CCDC15: variants seen among roughly 807,000 people sequenced by gnomAD.
CCDC15 encodes the protein coiled-coil domain containing 15.
In CCDC15, 105 loss-of-function variants were observed where a neutral mutation model predicts 114.5. The ratio of observed to expected loss-of-function variants is 0.92; its 90% CI spans 0.78 to 1.08. The LOEUF (loss-of-function observed/expected upper bound fraction) is 1.08. Ranked by LOEUF, CCDC15 falls within the 50% of genes least tolerant of loss-of-function variation. The pLI is 0.00. For synonymous variants in CCDC15, 334 were observed against 377.8 expected, an observed-to-expected ratio of 0.88 and a Z score of 1.34; for missense variants, 1,105 against 1,093.6, an observed-to-expected ratio of 1.01 and a Z score of -0.15.
chr11:124,997,864 C>A (rs989295191), intron 11 of CCDC15, among the ~76,000 whole-genome samples: 1 of 152,120 alleles, frequency 6.6e-6, no homozygotes, highest in Admixed American at 6.5e-5. Context: ...ATCACTTGAA[C>A]TCAGGAGGCA....
At chr11:124,990,467 G>C (rs1029098887) in intron 8 of CCDC15, among the ~76,000 whole-genome samples, 1 of 152,146 alleles carries the variant, frequency 6.6e-6, no homozygotes, top group African/African-American at 2.4e-5. Context: ...TTGGCTTGAC[G>C]TATGATTGCC....
chr11:124,991,444 A>G lies in CCDC15; in HGVS notation c.1909-17A>G, dbSNP rs368508577. 3 of 1,470,276 alleles carry G rather than the reference A, an allele frequency of 2.0e-6. No homozygotes were observed. Among genetic ancestry groups the G allele is most frequent in the Non-Finnish European group, 2.8e-6 (3 of 1,086,600 alleles). 91.1% of individuals were successfully genotyped at this position (1,470,276 alleles called of 1,614,324 possible). ...CTTGCTAGACAATTTATAGTTTTTT[A>G]TTATTTTATCTTTTAGAAAGTACAC... is the stretch of plus-strand genomic sequence containing the variant. On this transcript the variant is annotated splice_polypyrimidine_tract_variant and intron_variant, in intron 8 of 15. Transcript: ENST00000344762.
Position 125,040,843 on chromosome 11 carries a change from A to T in CCDC15, c.*132A>T. Reference sequence around the variant, plus strand: ...AAATACTGTCTCATATAATAATTAGATTGTAATCATTGTTTTAATCTCTGT... The same window carrying T: ...AAATACTGTCTCATATAATAATTAGTTTGTAATCATTGTTTTAATCTCTGT... On this transcript the variant is annotated 3_prime_UTR_variant, in exon 16 of 16. Coordinates refer to ENST00000344762, the MANE Select transcript of CCDC15 (RefSeq NM_025004.3). The T allele has an allele frequency of 1.3e-6, 1 of 771,714 alleles. No individual in the cohort carries two copies. Among genetic ancestry groups the T allele is most frequent in the South Asian group, 2.0e-5 (1 of 50,718 alleles). 47.8% of individuals were successfully genotyped at this position (771,714 alleles called of 1,614,324 possible). A position where few individuals can be genotyped will look rare whatever the true frequency, so the allele number is the denominator to read the frequency against.
chr11:124,986,409 G>A (rs184578921), intron 6 of CCDC15, among the ~76,000 whole-genome samples: 86 of 152,316 alleles, frequency 5.6e-4, no homozygotes, highest in African/African-American at 1.9e-3. Context: ...CATTTTGATA[G>A]GGAGTGTTGT....
intron 6 of CCDC15, 73 bp downstream of exon 6, chr11:124,977,673 A>T: frequency 5.5e-6 from 8 of 1,447,080 alleles, no homozygotes; most frequent in Non-Finnish European, 7.4e-6. Context: ...TAAGGATGGG[A>T]TAAAGGGTTA....
chr11:124,962,742 G>A (rs974074632), intron 4 of CCDC15, among the ~76,000 whole-genome samples: 2 of 151,840 alleles, frequency 1.3e-5, no homozygotes, highest in Non-Finnish European at 2.9e-5. Context: ...TTGGTGTGCT[G>A]CATCCATTAA....
intron 11 of CCDC15, among the ~76,000 whole-genome samples, chr11:125,001,550 A>G (rs1449391175): frequency 6.6e-6 from 1 of 152,132 alleles, no homozygotes; most frequent in African/African-American, 2.4e-5. Context: ...GTACCACGCC[A>G]CTTTTCCCTT....
chr11:124,960,240 TCTAAAGAAAA>T (rs1947636782), intron 4 of CCDC15, among the ~76,000 whole-genome samples: 1 of 141,018 alleles, frequency 7.1e-6, no homozygotes, highest in Non-Finnish European at 1.6e-5. Flanking sequence ...TCTAAAATTA[TCTAAAGAAAA>T]GTGCCGCGGA....
chr11:124,955,735 T>G (rs1284292413), intron 2 of CCDC15, among the ~76,000 whole-genome samples: 1 of 152,184 alleles, frequency 6.6e-6, no homozygotes. Flanking sequence ...AGAAGAGAAA[T>G]GAGATGTGTT....
chr11:125,038,519 A>G lies in CCDC15; in HGVS notation c.2500A>G (p.Lys834Glu), dbSNP rs774230154. ...NFHEDPYSGE[K>E]LSEILAQLQL... Reference sequence around the variant, plus strand: ...TCATGAAGATCCATATTCAGGAGAGAAGTTGAGTGAGATATTAGCCCAGTT... The same window carrying G: ...TCATGAAGATCCATATTCAGGAGAGGAGTTGAGTGAGATATTAGCCCAGTT... The change falls in exon 14 of 16, where the codon AAG becomes GAG. Residue 834 changes from lysine to glutamate, a missense_variant. Physicochemically the swap from Lys to Glu is moderately conservative, Grantham distance 56. Transcript: ENST00000344762. 2 of 1,587,784 alleles carry G rather than the reference A, an allele frequency of 1.3e-6. No homozygotes were observed. The highest frequency in any genetic ancestry group is 1.2e-5 in the South Asian group (1 of 86,632).
rs1475935880 is a variant in CCDC15 at position 125,025,039 on chromosome 11, C to CATATGAAT, written c.2412-13387_2412-13380dup. 6.9e-4 allele frequency among the ~76,000 whole-genome samples: 19 copies of CATATGAAT among 27,490 alleles called. 1 individual carries two copies. The East Asian group carries it at 0.055, about 79-fold the overall frequency. 18.0% of individuals were successfully genotyped at this position (27,490 alleles called of 152,430 possible). A position where few individuals can be genotyped will look rare whatever the true frequency, so the allele number is the denominator to read the frequency against. ...ATATATATGAATATATATATGAATA[C>CATATGAAT]ATATGAATATATATGAATATATATA... On this transcript the variant is annotated intron_variant, in intron 13 of 15. Coordinates refer to ENST00000344762, the MANE Select transcript of CCDC15 (RefSeq NM_025004.3).
intron 13 of CCDC15, among the ~76,000 whole-genome samples, chr11:125,033,833 C>G (rs1352920891): frequency 6.6e-6 from 1 of 152,144 alleles, no homozygotes; most frequent in Non-Finnish European, 1.5e-5. Context: ...ACAAATTCAC[C>G]TGATCAAACT....
intron 4 of CCDC15, among the ~76,000 whole-genome samples, chr11:124,970,522 G>C (rs778561002): frequency 6.6e-6 from 1 of 152,118 alleles, no homozygotes; most frequent in Non-Finnish European, 1.5e-5. Flanking sequence ...TACTTGAATA[G>C]AATTCAACTT....
intron 8 of CCDC15, 52 bp from the exon 9 acceptor site, chr11:124,991,406 CCAT>C: frequency 1.6e-5 from 20 of 1,218,902 alleles, no homozygotes; most frequent in Non-Finnish European, 2.2e-5. Context: ...AATATTATTG[CCAT>C]CATATTAGTC....
In CCDC15 at chr11:124,987,986, C is replaced by A. The variant is rs376536200; in HGVS notation, c.1760C>A (p.Pro587His). 12 of 1,613,604 alleles carry A rather than the reference C, an allele frequency of 7.4e-6. No individual in the cohort carries two copies. Among genetic ancestry groups the A allele is most frequent in the Non-Finnish European group, 1.0e-5 (12 of 1,179,792 alleles). ...ATATGTCAGGACCAGGATTTTCTAC[C>A]CAGAGACCAAGGTTATCTTCCTAAA... ...LPICQDQDFL[P>H]RDQGYLPKDQ... The change falls in exon 8 of 16, where the codon CCC becomes CAC. Residue 587 changes from proline to histidine, a missense_variant. Pro to His is a moderately conservative substitution (Grantham distance 77). Transcript: ENST00000344762.
intron 9 of CCDC15, 145 bp downstream of exon 9, chr11:124,991,728 G>T: frequency 1.4e-6 from 1 of 708,928 alleles, no homozygotes; most frequent in Non-Finnish European, 2.2e-6. Context: ...CTGTCGCCCA[G>T]GCTGGAGTGC....
intron 6 of CCDC15, 73 bp from the exon 7 acceptor site, chr11:124,986,667 CTG>C (rs146292043): frequency 0.3 from 290,823 of 965,706 alleles, 13,046 homozygotes; most frequent in Middle Eastern, 0.31. Flanking sequence ...CTACATGGTG[CTG>C]TGTGTGTGTG....
chr11:125,001,170 C>G lies in CCDC15; in HGVS notation c.2215-2697C>G, dbSNP rs187252881. Among the ~76,000 whole-genome samples the G allele has an allele frequency of 2.0e-4, 31 of 152,058 alleles. 1 individual carries two copies. The highest frequency in any genetic ancestry group is 2.0e-3 in the Admixed American group (31 of 15,250). ...ACACAAAAATGCAAAAACTTGGCAC[C>G]AAATAGACTGCAAAAAGAACACTTG... On this transcript the variant is annotated intron_variant, in intron 11 of 15. Coordinates refer to ENST00000344762, the MANE Select transcript of CCDC15 (RefSeq NM_025004.3).
At chr11:125,008,896 G>A (rs1191407886) in intron 13 of CCDC15, among the ~76,000 whole-genome samples, 1 of 151,934 alleles carries the variant, frequency 6.6e-6, no homozygotes, top group Non-Finnish European at 1.5e-5. Context: ...AAACTTCATT[G>A]TGCCTACTAA....
Sources: allele counts gnomAD v4.1 joint callset (sites outside exome capture counted in the v4.1 genomes callset), GRCh38; gene constraint gnomAD v4.1.1; transcripts MANE v1.5; gene names NCBI Gene and HGNC (gene_info 2026-07-23, HGNC 2026-07-21).